CACNA1C: variants seen among roughly 807,000 people sequenced by gnomAD.
CACNA1C encodes voltage-dependent L-type calcium channel subunit alpha-1C.
In CACNA1C, 30 loss-of-function variants were observed where a neutral mutation model predicts 229.0. The ratio of observed to expected loss-of-function variants is 0.13; its 90% CI spans 0.10 to 0.18. The LOEUF (loss-of-function observed/expected upper bound fraction) is 0.18. Among genes scored for constraint, CACNA1C ranks in the 10% least tolerant of loss-of-function variants. The probability of loss-of-function intolerance (pLI) is 1.00; values close to 1 mark genes in which losing one functional copy is unlikely to be tolerated. For synonymous variants in CACNA1C, 1,114 were observed against 1,132.5 expected, an observed-to-expected ratio of 0.98 and a Z score of 0.33; for missense variants, 1,658 against 2,845.0, an observed-to-expected ratio of 0.58 and a Z score of 9.49.
At chr12:2,176,360 G>T (rs899287117) in intron 3 of CACNA1C, among the ~76,000 whole-genome samples, 2 of 152,158 alleles carry the variant, frequency 1.3e-5, no homozygotes, top group Non-Finnish European at 2.9e-5. Flanking sequence ...ACCATTTTCA[G>T]GGCCTTGGTT....
intron 3 of CACNA1C, among the ~76,000 whole-genome samples, chr12:2,393,420 G>C (rs1257469873): frequency 1.3e-5 from 2 of 152,206 alleles, no homozygotes; most frequent in Admixed American, 6.5e-5. Context: ...TGAGGCTAGA[G>C]TACACGCTTC....
chr12:2,520,967 G>A (rs1598762277), intron 9 of CACNA1C, among the ~76,000 whole-genome samples: 2 of 152,360 alleles, frequency 1.3e-5, no homozygotes, highest in South Asian at 4.1e-4. Context: ...GCATAAAGGT[G>A]CCTGGCAGCT....
intron 3 of CACNA1C, among the ~76,000 whole-genome samples, chr12:2,281,100 T>C (rs1413832821): frequency 6.8e-6 from 1 of 146,828 alleles, no homozygotes; most frequent in Non-Finnish European, 1.5e-5. Flanking sequence ...CTCCAAATGC[T>C]CTCCCTCCCC....
intron 6 of CACNA1C, among the ~76,000 whole-genome samples, chr12:2,492,529 G>A (rs2099737820): frequency 6.6e-6 from 1 of 152,244 alleles, no homozygotes; most frequent in African/African-American, 2.4e-5. Flanking sequence ...CTCACAGGCT[G>A]TAAGGAAAAC....
chr12:2,476,893 G>A (rs1291682990), intron 5 of CACNA1C, among the ~76,000 whole-genome samples: 1 of 152,158 alleles, frequency 6.6e-6, no homozygotes, highest in Non-Finnish European at 1.5e-5. Flanking sequence ...AAAACTTGAG[G>A]CTGTAGGAAA....
rs543802664 is a variant in CACNA1C, at chr12:2,287,607, C to T, written c.478-161369C>T. Among the ~76,000 whole-genome samples, 3 of 152,186 alleles carry T rather than the reference C, an allele frequency of 2.0e-5. No individual in the cohort carries two copies. Among genetic ancestry groups the T allele is most frequent in the African/African-American group, 4.8e-5 (2 of 41,498 alleles). On this transcript the variant is annotated intron_variant, in intron 3 of 46. Coordinates refer to ENST00000399655, the MANE Select transcript of CACNA1C (RefSeq NM_000719.7). The surrounding 1 kb of genome is among the most constrained non-coding windows in gnomAD (Gnocchi z 4.6). ...ATTCTTTAAGTTAGTAATTCTCATCCCTGGCCACACATAAGAATCATCTGG... is the reference window on the plus strand; with the variant it reads ...ATTCTTTAAGTTAGTAATTCTCATCTCTGGCCACACATAAGAATCATCTGG...
In CACNA1C at chr12:2,189,809, G is replaced by C. The variant is rs74806527; in HGVS notation, c.477+69379G>C. 3.0e-4 allele frequency among the ~76,000 whole-genome samples: 14 copies of C among 47,454 alleles called. No individual in the cohort carries two copies. In the East Asian group the frequency reaches 6.3e-3, roughly 21 times the overall value. The allele number at this position is 47,454 out of a possible 152,430, so 31.1% of individuals were successfully genotyped here. A position where few individuals can be genotyped will look rare whatever the true frequency, so the allele number is the denominator to read the frequency against. ...CAACTAGTGATATTTAAAGAAGAAAGAAAAAAACTCACAAAAGTACTTGAG... is the reference window on the plus strand; with the variant it reads ...CAACTAGTGATATTTAAAGAAGAAACAAAAAAACTCACAAAAGTACTTGAG... On this transcript the variant is annotated intron_variant, in intron 3 of 46. Transcript: ENST00000399655.
chr12:2,587,987 G>T (rs2063300775), intron 18 of CACNA1C, among the ~76,000 whole-genome samples: 1 of 152,164 alleles, frequency 6.6e-6, no homozygotes, highest in Non-Finnish European at 1.5e-5. Flanking sequence ...TGCTCTTAAA[G>T]CTGGTGGCCC....
At chr12:2,161,559 C>T (rs1378478079) in intron 3 of CACNA1C, among the ~76,000 whole-genome samples, 2 of 152,192 alleles carry the variant, frequency 1.3e-5, no homozygotes, top group Non-Finnish European at 2.9e-5. Flanking sequence ...TTCGGCAAGG[C>T]AAACGAATCT....
rs945139451 is a variant in CACNA1C, at chr12:2,666,937, A to G, written c.4623+155A>G. On this transcript the variant is annotated intron_variant, in intron 37 of 46. Coordinates refer to ENST00000399655, the MANE Select transcript of CACNA1C (RefSeq NM_000719.7). This position sits in a 1 kb window ranked among gnomAD's most constrained non-coding sequence, Gnocchi z 5.3. ...CAGCTCTAAATTCTCAGACTCTATG[A>G]GGGAATAACAGAGTGAATGCCTCCT... Among the ~76,000 whole-genome samples, 1 of 152,154 alleles carries G rather than the reference A, an allele frequency of 6.6e-6. No individual in the cohort carries two copies. The highest frequency in any genetic ancestry group is 2.4e-5 in the African/African-American group (1 of 41,436).
Position 2,410,810 on chromosome 12 carries a change from T to C in CACNA1C, c.478-38166T>C, listed in dbSNP as rs1219431141. On this transcript the variant is annotated intron_variant, in intron 3 of 46. Transcript: ENST00000399655. This position sits in a 1 kb window ranked among gnomAD's most constrained non-coding sequence, Gnocchi z 5.3. Reference sequence around the variant, plus strand: ...CCCTGTGTGTGTATATGTGTGTGTGTGCGTGTGCATGTGCGTGTGTGTGTT... The same window carrying C: ...CCCTGTGTGTGTATATGTGTGTGTGCGCGTGTGCATGTGCGTGTGTGTGTT... 6.6e-6 allele frequency among the ~76,000 whole-genome samples: 1 copy of C among 151,802 alleles called. No individual in the cohort carries two copies. The highest frequency in any genetic ancestry group is 1.5e-5 in the Non-Finnish European group (1 of 67,950).
intron 3 of CACNA1C, among the ~76,000 whole-genome samples, chr12:2,359,296 C>T (rs2097487686): frequency 6.6e-6 from 1 of 152,180 alleles, no homozygotes. Context: ...GCTAAGCCGT[C>T]CTTCCTGGCT....
rs58613925 is a variant in CACNA1C, at chr12:2,682,421, CGTGT to C, written c.5445-123_5445-120del. 130 of 1,081,038 alleles carry C rather than the reference CGTGT, an allele frequency of 1.2e-4. No homozygotes were observed. In the African/African-American group the frequency reaches 1.6e-3, roughly 13 times the overall value. 67.0% of individuals were successfully genotyped at this position (1,081,038 alleles called of 1,614,324 possible). A position where few individuals can be genotyped will look rare whatever the true frequency, so the allele number is the denominator to read the frequency against. On this transcript the variant is annotated intron_variant, in intron 42 of 46. Coordinates refer to ENST00000399655, the MANE Select transcript of CACNA1C (RefSeq NM_000719.7). ...GCACCAGCAACTGTATGCCTGTTCA[CGTGT>C]GTGTGCTTGTGTTTGTGCACGTGTG... is the stretch of plus-strand genomic sequence containing the variant.
intron 3 of CACNA1C, among the ~76,000 whole-genome samples, chr12:2,183,918 C>T (rs375207626): frequency 3.3e-5 from 5 of 152,212 alleles, no homozygotes; most frequent in East Asian, 1.9e-4. Flanking sequence ...TTCCTGTAAA[C>T]GTAAAATCTG....
chr12:2,542,184 T>C (rs1366739396), intron 9 of CACNA1C, among the ~76,000 whole-genome samples: 2 of 152,222 alleles, frequency 1.3e-5, no homozygotes, highest in African/African-American at 4.8e-5. Flanking sequence ...CTCAATCCTT[T>C]GCCAAAACCC....
chr12:2,063,284 T>G (rs2058198354), intron 1 of CACNA1C, among the ~76,000 whole-genome samples: 1 of 152,118 alleles, frequency 6.6e-6, no homozygotes, highest in African/African-American at 2.4e-5. Flanking sequence ...CCTGAGTAGC[T>G]GGGACTACAG....
chr12:2,395,104 C>T (rs1238199094), intron 3 of CACNA1C, among the ~76,000 whole-genome samples: 1 of 152,030 alleles, frequency 6.6e-6, no homozygotes, highest in African/African-American at 2.4e-5. Flanking sequence ...ACTGCAGCCT[C>T]GACCTCCCAG....
chr12:2,658,898 G>T (rs2095561196), intron 34 of CACNA1C, among the ~76,000 whole-genome samples: 1 of 151,348 alleles, frequency 6.6e-6, no homozygotes, highest in South Asian at 2.1e-4. Context: ...CATAAAATAA[G>T]GATATGAAGA....
In CACNA1C at chr12:2,483,314, C is replaced by T. The variant is rs1183213210; in HGVS notation, c.758-2790C>T. The stretch of plus-strand genomic sequence containing the variant: ...GGAGTCACTGGGTGACTTTCAGCTA[C>T]AAAGTGACATGTTCCAGTGTGTACT... On this transcript the variant is annotated intron_variant, in intron 5 of 46. Transcript: ENST00000399655. Among the ~76,000 whole-genome samples the T allele has an allele frequency of 2.0e-5, 3 of 152,320 alleles. No homozygotes were observed. In the East Asian group the frequency reaches 5.8e-4, roughly 29 times the overall value.
Sources: gnomAD v4.1 joint callset for allele counts (sites outside exome capture counted in the v4.1 genomes callset) on GRCh38, gnomAD v4.1.1 for gene constraint, Gnocchi (gnomAD v3.1) non-coding constraint, MANE v1.5 for transcripts, NCBI Gene and HGNC (gene_info 2026-07-23, HGNC 2026-07-21) for gene names.